The following HDAC9 variants were observed in gnomAD, a reference collection of about 807,000 sequenced individuals.
HDAC9 encodes histone deacetylase 9.
Under a neutral mutation model 139.4 loss-of-function variants are expected in HDAC9, and 41 were observed. That is an observed-to-expected ratio of 0.29 (90% CI 0.23 to 0.38). The LOEUF (loss-of-function observed/expected upper bound fraction) is 0.38. HDAC9 is among the 10% of genes least tolerant of loss of function. The probability of loss-of-function intolerance (pLI) is 1.00; values close to 1 mark genes in which losing one functional copy is unlikely to be tolerated. For missense variants in HDAC9, 1,147 were observed against 1,297.0 expected (o/e 0.88, Z 1.78); for synonymous variants, 517 against 476.2 (o/e 1.09, Z -1.12).
intron 13 of HDAC9, among the ~76,000 whole-genome samples, chr7:18,748,424 A>C (rs913448957): frequency 6.6e-6 from 1 of 152,262 alleles, no homozygotes; most frequent in Non-Finnish European, 1.5e-5. Context: ...TATTGGTTAC[A>C]TAATGACATA....
At chr7:18,216,698 A>C (rs1373444355) in intron 2 of HDAC9, among the ~76,000 whole-genome samples, 3 of 152,122 alleles carry the variant, frequency 2.0e-5, no homozygotes, top group Non-Finnish European at 2.9e-5. Context: ...ACAATTGGAC[A>C]TGTTTTATTA....
At chr7:18,658,240 C>G (rs1174512851) in intron 11 of HDAC9, among the ~76,000 whole-genome samples, 1 of 152,062 alleles carries the variant, frequency 6.6e-6, no homozygotes, top group Non-Finnish European at 1.5e-5. Flanking sequence ...CTTGATTGAC[C>G]TTTCTTTTCC....
chr7:18,527,939 T>C (rs1285609380), intron 2 of HDAC9, among the ~76,000 whole-genome samples: 7 of 152,146 alleles, frequency 4.6e-5, no homozygotes. Flanking sequence ...CCATAAAAAC[T>C]GGATTTAATT....
At chr7:18,664,830 A>G (rs1794341123) in intron 11 of HDAC9, among the ~76,000 whole-genome samples, 1 of 152,192 alleles carries the variant, frequency 6.6e-6, no homozygotes, top group South Asian at 2.1e-4. Flanking sequence ...AGGAATAAGT[A>G]TTTGAAGCTT....
At chr7:18,616,509 A>G (rs890186620) in intron 6 of HDAC9, among the ~76,000 whole-genome samples, 1 of 152,188 alleles carries the variant, frequency 6.6e-6, no homozygotes, top group African/African-American at 2.4e-5. Flanking sequence ...TGCCTTTTAT[A>G]TCCATTCAAG....
chr7:18,884,931 C>T (rs1351226507), intron 22 of HDAC9, among the ~76,000 whole-genome samples: 1 of 152,162 alleles, frequency 6.6e-6, no homozygotes, highest in Non-Finnish European at 1.5e-5. Flanking sequence ...TCTTCGGTTC[C>T]AGTTAAAACT....
At chr7:18,837,217 TAC>T (rs2129212093) in intron 21 of HDAC9, among the ~76,000 whole-genome samples, 1 of 151,806 alleles carries the variant, frequency 6.6e-6, no homozygotes, top group South Asian at 2.1e-4. Flanking sequence ...GGAAAAAATA[TAC>T]ACAAAGATAT....
chr7:18,806,831 A>G (rs1011680840), intron 17 of HDAC9, among the ~76,000 whole-genome samples: 1 of 152,230 alleles, frequency 6.6e-6, no homozygotes, highest in East Asian at 1.9e-4. Context: ...GATAAATCCC[A>G]CTTTATCATA....
intron 2 of HDAC9, among the ~76,000 whole-genome samples, chr7:18,539,670 G>C (rs1198995642): frequency 7.0e-6 from 1 of 143,674 alleles, no homozygotes; most frequent in Non-Finnish European, 1.5e-5. Context: ...CAAAAAGTTT[G>C]TTGTTGTTGT....
At chr7:18,311,014 A>T (rs913497058) in intron 1 of HDAC9, among the ~76,000 whole-genome samples, 12 of 152,184 alleles carry the variant, frequency 7.9e-5, no homozygotes, top group Admixed American at 4.6e-4. Context: ...TTGTAATAAG[A>T]TCTTTATGTT....
At chr7:18,994,889 T>A (rs1462236675) in intron 25 of HDAC9, among the ~76,000 whole-genome samples, 1 of 152,196 alleles carries the variant, frequency 6.6e-6, no homozygotes, top group African/African-American at 2.4e-5. Context: ...GTAAACATTA[T>A]GAAGAAGAAA....
intron 2 of HDAC9, among the ~76,000 whole-genome samples, chr7:18,521,980 T>C (rs919483323): frequency 2.0e-5 from 3 of 152,180 alleles, no homozygotes; most frequent in Non-Finnish European, 2.9e-5. Flanking sequence ...TGAAATATTG[T>C]GTCTTCTGTT....
chr7:18,795,257 T>TAAAAAAAAAAAAAAAAAAAAAAAAAAAAA (rs5882676), intron 17 of HDAC9, among the ~76,000 whole-genome samples: 2 of 65,482 alleles, frequency 3.1e-5, no homozygotes, highest in African/African-American at 1.4e-4. Flanking sequence ...AAGAAAACAG[T>TAAAAAAAAAAAAAAAAAAAAAAAAAAAAA]AAAAAAAAAA....
At chr7:18,498,690 G>A (rs1797597003) in intron 2 of HDAC9, among the ~76,000 whole-genome samples, 1 of 151,990 alleles carries the variant, frequency 6.6e-6, no homozygotes, top group South Asian at 2.1e-4. Context: ...CAGACACTCT[G>A]TATTCTAGCA....
intron 1 of HDAC9, among the ~76,000 whole-genome samples, chr7:18,310,209 C>T (rs887479223): frequency 6.6e-6 from 1 of 152,138 alleles, no homozygotes; most frequent in African/African-American, 2.4e-5. Context: ...TCCCAGGCTT[C>T]CCCATGTCCA....
At chr7:18,966,068 A>T (rs1018541905) in intron 24 of HDAC9, among the ~76,000 whole-genome samples, 7 of 152,156 alleles carry the variant, frequency 4.6e-5, no homozygotes, top group Non-Finnish European at 7.3e-5. Context: ...GTAAGGATGG[A>T]TGTGTTACAC....
chr7:18,799,647 A>C (rs191533707), intron 17 of HDAC9, among the ~76,000 whole-genome samples: 30 of 152,318 alleles, frequency 2.0e-4, no homozygotes, highest in Non-Finnish European at 2.8e-4. Flanking sequence ...TAAATGAAAA[A>C]TTTACTAGAA....
intron 1 of HDAC9, among the ~76,000 whole-genome samples, chr7:18,408,218 C>T (rs992904819): frequency 2.6e-5 from 4 of 152,076 alleles, no homozygotes; most frequent in African/African-American, 7.2e-5. Context: ...GGTTTTTCCT[C>T]ACTAGATTAT....
At chr7:18,874,185 C>T (rs1799142921) in intron 21 of HDAC9, among the ~76,000 whole-genome samples, 1 of 151,140 alleles carries the variant, frequency 6.6e-6, no homozygotes, top group Non-Finnish European at 1.5e-5. Flanking sequence ...ATAAAACAGC[C>T]ACAGACGTAT....
Sources: allele counts gnomAD v4.1 joint callset (sites outside exome capture counted in the v4.1 genomes callset), GRCh38; gene constraint gnomAD v4.1.1; transcripts MANE v1.5; gene names NCBI Gene and HGNC (gene_info 2026-07-23, HGNC 2026-07-21).